The following CASTOR2 variants were observed in gnomAD, a reference collection of about 807,000 sequenced individuals.
CASTOR2 encodes GATS protein like 2.
Under a neutral mutation model 31.2 loss-of-function variants are expected in CASTOR2, and 8 were observed. The ratio of observed to expected loss-of-function variants is 0.26; its 90% CI spans 0.15 to 0.46. The LOEUF is 0.46. Among genes scored for constraint, CASTOR2 ranks in the 20% least tolerant of loss-of-function variants. CASTOR2 has a pLI of 0.99. For synonymous variants in CASTOR2, 162 were observed against 158.7 expected (o/e 1.02, Z -0.16); for missense variants, 216 against 382.1 (o/e 0.57, Z 3.62).
At chr7:74,976,479 C>G (rs2354092) in intron 1 of CASTOR2, among the ~76,000 whole-genome samples, 5 of 148,338 alleles carry the variant, frequency 3.4e-5, no homozygotes, top group East Asian at 2.0e-4. Context: ...AGGTTGCAGT[C>G]AGCCGAGATT....
chr7:75,026,189 G>GTTT lies in CASTOR2; in HGVS notation c.*1505_*1507dup, dbSNP rs879121750. Among the ~76,000 whole-genome samples, 29 of 117,714 alleles carry GTTT rather than the reference G, an allele frequency of 2.5e-4. 3 individuals are homozygous for GTTT. Among genetic ancestry groups the GTTT allele is most frequent in the South Asian group, 5.5e-4 (2 of 3,612 alleles). 77.2% of individuals were successfully genotyped at this position (117,714 alleles called of 152,430 possible). On this transcript the variant is annotated 3_prime_UTR_variant, in exon 9 of 9. Transcript: ENST00000616305. ...CCCTGTGGTTTTGGCTCTGGCGGGG[G>GTTT]TTTTTTTTTTTTTTTTTGAGATGGG...
chr7:75,008,122 TGCCCACCTCCTTATTTCTGTCCCCC>T (rs1284178968), intron 2 of CASTOR2, 58 bp downstream of exon 2: 51,578 of 1,601,952 alleles, frequency 0.032, 2,012 homozygotes, highest in African/African-American at 0.19. Flanking sequence ...CAGGGCTGGC[TGCCCACCTCCTTATTTCTGTCCCCC>T]GCCCACCTCC....
At chr7:74,986,500 A>G (rs1170381546) in intron 1 of CASTOR2, among the ~76,000 whole-genome samples, 9 of 151,702 alleles carry the variant, frequency 5.9e-5, no homozygotes, top group Admixed American at 1.3e-4. Context: ...AAAAAAAAAA[A>G]AAAAGAAAAG....
chr7:75,020,145 C>G lies in CASTOR2; in HGVS notation c.742C>G (p.Gln248Glu). The stretch of plus-strand genomic sequence containing the variant: ...CCTGGTGATGGACGTGCAGACGCAG[C>G]AGAGGTGAGCCAGGCCCTGGGGTGG... ...ISLVMDVQTQ[Q>E]RFPSNLLFTS... Residue 248 changes from glutamine (Q) to glutamate (E), a missense_variant, in exon 6 of 9, where the codon CAG (glutamine) becomes GAG (glutamate). Around this residue, in one of 5 missense-constraint regions of CASTOR2, gnomAD observed 44 missense variants for 57.5 expected, o/e 0.76. Transcript: ENST00000616305. 6.4e-7 allele frequency: 1 copy of G among 1,551,470 alleles called. No homozygotes were observed. The highest frequency in any genetic ancestry group is 8.7e-7 in the Non-Finnish European group (1 of 1,146,830).
In CASTOR2 at chr7:75,030,236, C is replaced by T. The variant is rs2064359978; in HGVS notation, c.*5537C>T. 2.0e-5 allele frequency among the ~76,000 whole-genome samples: 3 copies of T among 152,302 alleles called. No individual in the cohort carries two copies. The highest frequency in any genetic ancestry group is 4.1e-4 in the South Asian group (2 of 4,828). ...ACACGTTTGTGCATGTACCTGTGAGCGTGGATGTGTTCCTATGCATTAGAG... is the reference window on the plus strand; with the variant it reads ...ACACGTTTGTGCATGTACCTGTGAGTGTGGATGTGTTCCTATGCATTAGAG... On this transcript the variant is annotated 3_prime_UTR_variant, in exon 9 of 9. Coordinates refer to ENST00000616305, the MANE Select transcript of CASTOR2 (RefSeq NM_001145064.3).
intron 1 of CASTOR2, among the ~76,000 whole-genome samples, chr7:74,989,002 C>A (rs1344478531): frequency 6.7e-6 from 1 of 149,104 alleles, no homozygotes; most frequent in African/African-American, 2.5e-5. Flanking sequence ...GCTCTGTCAC[C>A]CAGGCTGGAG....
At chr7:75,018,922 T>G in intron 4 of CASTOR2, 50 bp from the exon 5 acceptor site, 1 of 1,551,684 alleles carries the variant, frequency 6.4e-7, no homozygotes, top group South Asian at 1.2e-5. Flanking sequence ...CCACCAGAGC[T>G]GCTGCTTTCA....
At position 75,026,189 on chromosome 7, in the gene CASTOR2, G is replaced by T. The variant is rs1465663412; in HGVS notation, c.*1490G>T. ...CCCTGTGGTTTTGGCTCTGGCGGGGGTTTTTTTTTTTTTTTTTGAGATGGG... is the reference window on the plus strand; with the variant it reads ...CCCTGTGGTTTTGGCTCTGGCGGGGTTTTTTTTTTTTTTTTTTGAGATGGG... On this transcript the variant is annotated 3_prime_UTR_variant, in exon 9 of 9. Coordinates refer to ENST00000616305, the MANE Select transcript of CASTOR2 (RefSeq NM_001145064.3). Among the ~76,000 whole-genome samples, 12,180 of 115,628 alleles carry T rather than the reference G, an allele frequency of 0.11. 801 individuals are homozygous for T. Among genetic ancestry groups the T allele is most frequent in the African/African-American group, 0.16 (4,749 of 30,322 alleles). The allele number at this position is 115,628 out of a possible 152,430, so 75.9% of individuals were successfully genotyped here.
intron 1 of CASTOR2, among the ~76,000 whole-genome samples, chr7:74,991,074 G>GAA (rs587606119): frequency 0.7 from 95,143 of 136,226 alleles, 35,598 homozygotes; most frequent in East Asian, 0.96. Context: ...ACCCTGTCTG[G>GAA]AAAAAAAAAA....
intron 1 of CASTOR2, among the ~76,000 whole-genome samples, chr7:74,967,272 C>T (rs1388367516): frequency 1.9e-5 from 2 of 104,492 alleles, no homozygotes; most frequent in Non-Finnish European, 4.2e-5. Flanking sequence ...CTATTTGGCC[C>T]CCTCATGGAC....
At chr7:74,998,175 T>A (rs1804397849) in intron 1 of CASTOR2, among the ~76,000 whole-genome samples, 1 of 152,050 alleles carries the variant, frequency 6.6e-6, no homozygotes, top group Admixed American at 6.6e-5. Flanking sequence ...TAAGCTTCGG[T>A]TTTCCCGTCT....
intron 1 of CASTOR2, 77 bp from the exon 2 acceptor site, chr7:75,007,917 C>G: frequency 1.2e-6 from 2 of 1,610,150 alleles, no homozygotes; most frequent in South Asian, 2.2e-5. Context: ...GTCATCATCC[C>G]CAGGGCACGG....
At position 75,008,065 on chromosome 7, in the gene CASTOR2, G is replaced by A; in HGVS notation, c.184+1G>A. The A allele has an allele frequency of 6.2e-7, 1 of 1,613,814 alleles. No individual in the cohort carries two copies. The highest frequency in any genetic ancestry group is 8.5e-7 in the Non-Finnish European group (1 of 1,179,808). ...ATTGTCGATGAGGAAGGATTCCTAG[G>A]TAAGTGCTTCTCTCCCTAGGGGCTC... On this transcript the variant is annotated splice_donor_variant, in intron 2 of 8. Coordinates refer to ENST00000616305, the MANE Select transcript of CASTOR2 (RefSeq NM_001145064.3). LOFTEE classifies it high-confidence loss of function.
intron 1 of CASTOR2, among the ~76,000 whole-genome samples, chr7:74,986,178 C>T (rs1804061284): frequency 6.6e-6 from 1 of 150,848 alleles, no homozygotes; most frequent in African/African-American, 2.4e-5. Context: ...GATCAGCCCT[C>T]CTTGGCCTTC....
At chr7:75,017,950 G>A (rs1804904331) in intron 3 of CASTOR2, 40 bp from the exon 4 acceptor site, 2 of 1,613,942 alleles carry the variant, frequency 1.2e-6, no homozygotes, top group Non-Finnish European at 1.7e-6. Context: ...ACATCCCCCA[G>A]GGCCACCAGG....
chr7:75,023,150 T>C (rs1350211149), intron 7 of CASTOR2, among the ~76,000 whole-genome samples: 1 of 151,766 alleles, frequency 6.6e-6, no homozygotes, highest in Non-Finnish European at 1.5e-5. Flanking sequence ...CTACTAAAAA[T>C]ACAAAAAATT....
intron 2 of CASTOR2, among the ~76,000 whole-genome samples, chr7:75,011,963 T>G (rs1377600316): frequency 6.6e-6 from 1 of 150,860 alleles, no homozygotes; most frequent in Non-Finnish European, 1.5e-5. Flanking sequence ...TGAGACTCCG[T>G]CTTAAAAGAA....
intron 3 of CASTOR2, 49 bp downstream of exon 3, chr7:75,017,840 A>G: frequency 6.2e-7 from 1 of 1,613,486 alleles, no homozygotes; most frequent in Non-Finnish European, 8.5e-7. Context: ...CCCGCCTCTG[A>G]CACACTCACT....
chr7:74,997,352 C>G (rs1290091464), intron 1 of CASTOR2, among the ~76,000 whole-genome samples: 2 of 152,080 alleles, frequency 1.3e-5, no homozygotes, highest in African/African-American at 4.8e-5. Context: ...GTAGATACCC[C>G]TCTTGGAAGT....
Sources: gnomAD v4.1 joint callset for allele counts (sites outside exome capture counted in the v4.1 genomes callset) on GRCh38, gnomAD v4.1.1 for gene constraint, gnomAD v4.1.1 regional missense constraint, MANE v1.5 for transcripts, NCBI Gene and HGNC (gene_info 2026-07-23, HGNC 2026-07-21) for gene names.